The following PCDH7 variants were observed in gnomAD, a reference collection of about 807,000 sequenced individuals.
The protein encoded by PCDH7 is protocadherin 7, also known as protocadherin-7.
In PCDH7, 17 loss-of-function variants were observed where a neutral mutation model predicts 58.9. The observed-to-expected ratio is 0.29, with a 90% confidence interval of 0.20 to 0.43. The LOEUF (loss-of-function observed/expected upper bound fraction) is 0.43, where lower values mean the gene tolerates loss of function less well. PCDH7 is among the 20% of genes least tolerant of loss of function. The pLI is 1.00. For synonymous variants in PCDH7, 664 were observed against 616.4 expected, an observed-to-expected ratio of 1.08 and a Z score of -1.14; for missense variants, 1,274 against 1,441.0, an observed-to-expected ratio of 0.88 and a Z score of 1.88.
At chr4:30,833,662 G>T (rs1730094863) in intron 1 of PCDH7, among the ~76,000 whole-genome samples, 1 of 152,128 alleles carries the variant, frequency 6.6e-6, no homozygotes, top group Non-Finnish European at 1.5e-5. Flanking sequence ...CTGCACAAAG[G>T]TGCAGCTAAG....
At chr4:31,133,406 T>C (rs530660972) in intron 3 of PCDH7, among the ~76,000 whole-genome samples, 9 of 152,200 alleles carry the variant, frequency 5.9e-5, no homozygotes, top group Non-Finnish European at 7.3e-5. Context: ...AGGAAAATTA[T>C]GAAAGCTATG....
intron 3 of PCDH7, among the ~76,000 whole-genome samples, chr4:31,012,062 A>G (rs1753232109): frequency 6.6e-6 from 1 of 152,096 alleles, no homozygotes; most frequent in African/African-American, 2.4e-5. Context: ...TCTTCTTAGA[A>G]ACAGTATAGT....
In PCDH7 at chr4:30,840,876, A is replaced by G. The variant is rs1731125236; in HGVS notation, c.71-79277A>G. On this transcript the variant is annotated intron_variant, in intron 1 of 3. Coordinates refer to the PCDH7 transcript ENST00000509759. ...TAAAAGGACGTACAGTTGCTCTCAT[A>G]TAATTTCTTTGGCCCTTTTTTTTTT... Among the ~76,000 whole-genome samples the G allele has an allele frequency of 2.0e-5, 3 of 151,202 alleles. No homozygotes were observed. The South Asian group carries it at 6.2e-4, about 31-fold the overall frequency.
downstream of PCDH7, chr4:31,144,002 T>G (rs188645942): frequency 6.6e-6 from 1 of 152,206 alleles, no homozygotes; most frequent in Non-Finnish European, 1.5e-5. Context: ...ATGGGTAGGT[T>G]AAGAAAGATG....
At chr4:30,760,469 C>T (rs112983572) in intron 1 of PCDH7, among the ~76,000 whole-genome samples, 1 of 152,170 alleles carries the variant, frequency 6.6e-6, no homozygotes, top group African/African-American at 2.4e-5. Flanking sequence ...TCCAAAGCTT[C>T]TTAAGCTGAT....
intron 1 of PCDH7, among the ~76,000 whole-genome samples, chr4:30,727,282 T>C (rs1174706935): frequency 6.6e-6 from 1 of 152,080 alleles, no homozygotes; most frequent in East Asian, 1.9e-4. Flanking sequence ...TTAGACATTT[T>C]AAAGTGTTGA....
At chr4:30,942,847 A>T (rs1746204392) in intron 2 of PCDH7, among the ~76,000 whole-genome samples, 1 of 151,792 alleles carries the variant, frequency 6.6e-6, no homozygotes, top group Non-Finnish European at 1.5e-5. Flanking sequence ...GGTATAGACA[A>T]CCTACCTAAG....
At chr4:30,734,390 G>T (rs1715949884), downstream of PCDH7, among the ~76,000 whole-genome samples, 1 of 152,096 alleles carries the variant, frequency 6.6e-6, no homozygotes, top group African/African-American at 2.4e-5. Context: ...CTGCCACCAT[G>T]CCTGGCTAAT....
intron 2 of PCDH7, among the ~76,000 whole-genome samples, chr4:30,946,690 T>TTGTGTGTGTGTG (rs112524366): frequency 0.05 from 6,882 of 137,504 alleles, 233 homozygotes; most frequent in East Asian, 0.12. Context: ...CTTATCTCTT[T>TTGTGTGTGTGTG]TGTGTGTGTG....
rs1742860102 is a variant in PCDH7 at position 30,919,198 on chromosome 4, T to C, written c.71-955T>C. On this transcript the variant is annotated intron_variant, in intron 1 of 3. Coordinates refer to the PCDH7 transcript ENST00000509759. ...ACTATTGCCAAAAATAATCTCAGAC[T>C]GACATTACAGAACATTTTTATATGT... Among the ~76,000 whole-genome samples the C allele has an allele frequency of 1.3e-5, 2 of 149,822 alleles. 1 individual carries two copies. The highest frequency in any genetic ancestry group is 4.2e-4 in the South Asian group (2 of 4,732).
intron 1 of PCDH7, among the ~76,000 whole-genome samples, chr4:30,817,892 T>A (rs1314166492): frequency 6.6e-6 from 1 of 152,176 alleles, no homozygotes; most frequent in Admixed American, 6.6e-5. Flanking sequence ...CTCCTCTGCT[T>A]AGATGCCTCC....
intron 3 of PCDH7, among the ~76,000 whole-genome samples, chr4:30,968,376 C>CTATATATATA (rs60085619): frequency 0.014 from 913 of 66,774 alleles, 20 homozygotes; most frequent in Non-Finnish European, 0.018. Flanking sequence ...TATACACACA[C>CTATATATATA]TATATATATA....
chr4:30,849,432 T>G (rs758521052), intron 1 of PCDH7, among the ~76,000 whole-genome samples: 1 of 152,120 alleles, frequency 6.6e-6, no homozygotes, highest in African/African-American at 2.4e-5. Flanking sequence ...TTACTTTCAG[T>G]CTTCTTCCCT....
intron 1 of PCDH7, among the ~76,000 whole-genome samples, chr4:30,789,055 G>A (rs1723781494): frequency 6.6e-6 from 1 of 152,094 alleles, no homozygotes; most frequent in Non-Finnish European, 1.5e-5. Flanking sequence ...TGAATTGACA[G>A]TTGTTGCTAC....
At chr4:30,751,146 T>C (rs561297815) in intron 1 of PCDH7, among the ~76,000 whole-genome samples, 4 of 152,366 alleles carry the variant, frequency 2.6e-5, no homozygotes, top group Admixed American at 6.5e-5. Context: ...ATTTTGTACC[T>C]GTGCAAACTC....
chr4:30,982,793 TCA>T (rs1376261111), intron 3 of PCDH7, among the ~76,000 whole-genome samples: 1 of 152,114 alleles, frequency 6.6e-6, no homozygotes, highest in Non-Finnish European at 1.5e-5. Flanking sequence ...CTACTGTCCC[TCA>T]CATATCCAGA....
intron 3 of PCDH7, among the ~76,000 whole-genome samples, chr4:30,970,035 G>A (rs1403166528): frequency 1.3e-5 from 2 of 152,204 alleles, no homozygotes; most frequent in Non-Finnish European, 2.9e-5. Context: ...CTGAGGCTTA[G>A]AGTTACTCAT....
intron 1 of PCDH7, among the ~76,000 whole-genome samples, chr4:30,831,731 A>G (rs1325885000): frequency 6.6e-6 from 1 of 152,120 alleles, no homozygotes; most frequent in East Asian, 1.9e-4. Context: ...GGATGATATA[A>G]GGCCTATTTT....
intron 1 of PCDH7, among the ~76,000 whole-genome samples, chr4:30,877,653 T>C (rs1736464269): frequency 6.6e-6 from 1 of 152,188 alleles, no homozygotes; most frequent in Non-Finnish European, 1.5e-5. Context: ...TTCAACTGTA[T>C]CCTATTCTTT....
Sources: allele counts gnomAD v4.1 joint callset (sites outside exome capture counted in the v4.1 genomes callset), GRCh38; gene constraint gnomAD v4.1.1; transcripts MANE v1.5; gene names NCBI Gene and HGNC (gene_info 2026-07-23, HGNC 2026-07-21).